The following SLC8A1 variants were observed in gnomAD, a reference collection of about 807,000 sequenced individuals.
SLC8A1 encodes solute carrier family 8 member A1, also known as sodium/calcium exchanger 1.
A neutral mutation model predicts 68.3 loss-of-function variants in SLC8A1; 18 were observed. That is an observed-to-expected ratio of 0.26 (90% CI 0.18 to 0.39). The LOEUF (loss-of-function observed/expected upper bound fraction) is 0.39. Among genes scored for constraint, SLC8A1 ranks in the 10% least tolerant of loss-of-function variants. The probability of loss-of-function intolerance (pLI) is 1.00; values close to 1 mark genes in which losing one functional copy is unlikely to be tolerated. For missense variants in SLC8A1, 985 were observed against 1,156.7 expected, an observed-to-expected ratio of 0.85 and a Z score of 2.15; for synonymous variants, 475 against 415.5, an observed-to-expected ratio of 1.14 and a Z score of -1.74.
intron 4 of SLC8A1, 42 bp from the exon 7 acceptor site, chr2:40,170,391 A>C: frequency 6.5e-7 from 1 of 1,540,962 alleles, no homozygotes; most frequent in Non-Finnish European, 9.0e-7. Context: ...AATGGATTGC[A>C]TTGATTTGCT....
chr2:40,387,535 C>G (rs1267420821), intron 2 of SLC8A1, among the ~76,000 whole-genome samples: 1 of 151,300 alleles, frequency 6.6e-6, no homozygotes, highest in Non-Finnish European at 1.5e-5. Flanking sequence ...ATTGTTCTCA[C>G]TGTTATTTAT....
At position 40,136,409 on chromosome 2, in the gene SLC8A1, T is replaced by C. The variant is rs561461866; in HGVS notation, c.2437+2992A>G. On this transcript the variant is annotated intron_variant, in intron 7 of 7. Coordinates refer to ENST00000406785, the Ensembl canonical transcript of SLC8A1. The stretch of plus-strand genomic sequence containing the variant: ...TTTGAATAGTATGGTAAAAACACTT[T>C]TGATGAGATATATAGATATTAATTC... 2.6e-5 allele frequency among the ~76,000 whole-genome samples: 4 copies of C among 152,282 alleles called. No homozygotes were observed. The South Asian group carries it at 8.3e-4, about 32-fold the overall frequency.
At chr2:40,263,488 C>G (rs1322235991) in intron 2 of SLC8A1, among the ~76,000 whole-genome samples, 1 of 152,126 alleles carries the variant, frequency 6.6e-6, no homozygotes, top group African/African-American at 2.4e-5. Context: ...CAGCATGGTA[C>G]TGGTACCAAA....
At chr2:40,494,781 T>C (rs1471594486) in intron 1 of SLC8A1, among the ~76,000 whole-genome samples, 2 of 150,780 alleles carry the variant, frequency 1.3e-5, no homozygotes, top group Non-Finnish European at 3.0e-5. Flanking sequence ...TTCTGTCAGC[T>C]ATTGGCAGAG....
intron 2 of SLC8A1, among the ~76,000 whole-genome samples, chr2:40,418,791 G>C (rs570863323): frequency 1.3e-5 from 2 of 152,168 alleles, no homozygotes; most frequent in Non-Finnish European, 2.9e-5. Flanking sequence ...CTCCATCAGA[G>C]AGGGCAGCCA....
intron 1 of SLC8A1, among the ~76,000 whole-genome samples, chr2:40,447,816 C>T (rs1701729979): frequency 6.6e-6 from 1 of 152,162 alleles, no homozygotes; most frequent in Non-Finnish European, 1.5e-5. Flanking sequence ...TAGACTGCTG[C>T]CTGCAATGCA....
exon 8 of SLC8A1, chr2:40,115,513 T>C: frequency 6.2e-7 from 1 of 1,614,220 alleles, no homozygotes; most frequent in Non-Finnish European, 8.5e-7. Context: ...ATGGCAGCGA[T>C]GGACCAGGCC....
intron 1 of SLC8A1, among the ~76,000 whole-genome samples, chr2:40,447,588 T>TA (rs139695930): frequency 0.027 from 3,822 of 139,234 alleles, 76 homozygotes; most frequent in Middle Eastern, 0.068. Context: ...CAATCCAAGT[T>TA]AAAAAAAAAA....
chr2:40,157,848 C>A (rs549371693), intron 6 of SLC8A1, among the ~76,000 whole-genome samples: 2 of 152,156 alleles, frequency 1.3e-5, no homozygotes, highest in East Asian at 3.9e-4. Flanking sequence ...GCTTCCTAAT[C>A]TCTGGATTCT....
At chr2:40,494,293 T>G (rs1204680193) in intron 1 of SLC8A1, among the ~76,000 whole-genome samples, 1 of 151,996 alleles carries the variant, frequency 6.6e-6, no homozygotes, top group East Asian at 1.9e-4. Context: ...AAACTCTGGC[T>G]TCCAAAGAGG....
At chr2:40,241,681 C>A (rs2061240824) in intron 2 of SLC8A1, among the ~76,000 whole-genome samples, 1 of 151,850 alleles carries the variant, frequency 6.6e-6, no homozygotes, top group South Asian at 2.1e-4. Context: ...TGAAGGTGGT[C>A]CATCTAATCC....
At chr2:40,203,517 TG>T (rs1171131509) in intron 2 of SLC8A1, among the ~76,000 whole-genome samples, 1 of 152,022 alleles carries the variant, frequency 6.6e-6, no homozygotes, top group Non-Finnish European at 1.5e-5. Flanking sequence ...TTCTGTAATA[TG>T]CCTACTGCTA....
intron 2 of SLC8A1, among the ~76,000 whole-genome samples, chr2:40,310,266 A>G (rs2073434190): frequency 6.6e-6 from 1 of 152,232 alleles, no homozygotes; most frequent in Non-Finnish European, 1.5e-5. Context: ...GGTCACAGGC[A>G]GCACATTTAC....
intron 2 of SLC8A1, among the ~76,000 whole-genome samples, chr2:40,361,349 G>A (rs1674561925): frequency 6.6e-6 from 1 of 152,122 alleles, no homozygotes; most frequent in Admixed American, 6.6e-5. Context: ...ATGTAAGAGG[G>A]CTTATTGCTA....
At chr2:40,283,688 T>C (rs1157059628) in intron 2 of SLC8A1, among the ~76,000 whole-genome samples, 1 of 152,208 alleles carries the variant, frequency 6.6e-6, no homozygotes, top group African/African-American at 2.4e-5. Flanking sequence ...ATGCTCTTTA[T>C]CTCAGCTCAC....
chr2:40,442,757 A>C (rs904980086), intron 1 of SLC8A1, among the ~76,000 whole-genome samples: 15 of 152,142 alleles, frequency 9.9e-5, no homozygotes, highest in African/African-American at 3.6e-4. Context: ...TTACTGAGTA[A>C]ATACCCAAAG....
chr2:40,313,383 C>T (rs548148169), intron 2 of SLC8A1, among the ~76,000 whole-genome samples: 86 of 151,966 alleles, frequency 5.7e-4, no homozygotes, highest in Admixed American at 1.2e-3. Flanking sequence ...TTGTACAAGT[C>T]TTTGTATAGC....
intron 2 of SLC8A1, among the ~76,000 whole-genome samples, chr2:40,264,274 T>TTGTGGAA (rs1415715071): frequency 6.6e-6 from 1 of 151,928 alleles, no homozygotes; most frequent in African/African-American, 2.4e-5. Context: ...AGTTCAACCA[T>TTGTGGAA]TGTGGAAGTC....
chr2:40,503,509 A>G (rs945810808), intron 1 of SLC8A1, among the ~76,000 whole-genome samples: 1 of 152,022 alleles, frequency 6.6e-6, no homozygotes, highest in African/African-American at 2.4e-5. Flanking sequence ...GACAGGAAGG[A>G]GTCAAACTGT....
Sources: allele counts gnomAD v4.1 joint callset (sites outside exome capture counted in the v4.1 genomes callset), GRCh38; gene constraint gnomAD v4.1.1; transcripts MANE v1.5; gene names NCBI Gene and HGNC (gene_info 2026-07-23, HGNC 2026-07-21).